SHROOM3: variants seen among roughly 807,000 people sequenced by gnomAD.
SHROOM3 encodes shroom family member 3, also known as protein Shroom3.
In SHROOM3, 47 loss-of-function variants were observed where a neutral mutation model predicts 138.6. The observed-to-expected ratio is 0.34, with a 90% CI of 0.27 to 0.43. The LOEUF is 0.43. SHROOM3 is among the 20% of genes least tolerant of loss of function. SHROOM3 has a pLI of 1.00. For missense variants in SHROOM3, 2,491 were observed against 2,596.5 expected, an observed-to-expected ratio of 0.96 and a Z score of 0.88; for synonymous variants, 1,062 against 1,063.3, an observed-to-expected ratio of 1.00 and a Z score of 0.02.
At chr4:76,557,780 T>C (rs1274629978) in intron 2 of SHROOM3, among the ~76,000 whole-genome samples, 2 of 152,198 alleles carry the variant, frequency 1.3e-5, no homozygotes, top group South Asian at 2.1e-4. Flanking sequence ...TACAAAGTGA[T>C]TGGAAAGATT....
chr4:76,733,556 AGC>A, intron 4 of SHROOM3, among the ~76,000 whole-genome samples: 1 of 152,280 alleles, frequency 6.6e-6, no homozygotes, highest in Admixed American at 6.5e-5. Context: ...TGAGGCTTGC[AGC>A]TTTGGCAGAG....
intron 2 of SHROOM3, among the ~76,000 whole-genome samples, chr4:76,609,654 A>C (rs1269643340): frequency 6.6e-6 from 1 of 152,094 alleles, no homozygotes; most frequent in Non-Finnish European, 1.5e-5. Flanking sequence ...TACGTTGTAA[A>C]CTCTTAGTTT....
intron 1 of SHROOM3, among the ~76,000 whole-genome samples, chr4:76,525,713 G>A (rs1046524240): frequency 3.9e-5 from 6 of 151,916 alleles, no homozygotes; most frequent in Non-Finnish European, 7.4e-5. Flanking sequence ...CATTCTTAGA[G>A]GCTTTTAAAA....
intron 3 of SHROOM3, among the ~76,000 whole-genome samples, chr4:76,717,405 A>C (rs1368407138): frequency 6.6e-6 from 1 of 152,150 alleles, no homozygotes; most frequent in African/African-American, 2.4e-5. Flanking sequence ...GGAGATTCTC[A>C]GTCATTATTG....
chr4:76,636,081 G>A (rs1364879814), intron 2 of SHROOM3, among the ~76,000 whole-genome samples: 2 of 152,218 alleles, frequency 1.3e-5, no homozygotes, highest in Non-Finnish European at 2.9e-5. Context: ...TCCTGGGAAT[G>A]CTTCTTCACG....
Position 76,754,403 on chromosome 4 carries a change from T to C in SHROOM3, c.3920T>C (p.Ile1307Thr), listed in dbSNP as rs766800028. 4 of 1,613,998 alleles carry C rather than the reference T, an allele frequency of 2.5e-6. No homozygotes were observed. The highest frequency in any genetic ancestry group is 1.7e-5 in the Admixed American group (1 of 60,000). The change falls in exon 7 of 11, where the codon ATT becomes ACT. Residue 1307 changes from isoleucine (I) to threonine (T), a missense_variant. Physicochemically the swap from Ile to Thr is moderately conservative, Grantham distance 89 (BLOSUM62 -1). Around this residue, in one of 4 missense-constraint regions of SHROOM3, gnomAD observed 1,733 missense variants for 1,661.6 expected, o/e 1.04. Transcript: ENST00000296043. ...PRWGGSGCKA[I>T]GDSSVPSECP... Reference sequence around the variant, plus strand: ...TGGGGTGGTTCAGGCTGCAAAGCCATTGGTGATTCCTCCGTTCCTAGTGAA... The same window carrying C: ...TGGGGTGGTTCAGGCTGCAAAGCCACTGGTGATTCCTCCGTTCCTAGTGAA...
chr4:76,748,259 ATTAAG>A (rs1219055682), intron 5 of SHROOM3, among the ~76,000 whole-genome samples: 3 of 152,228 alleles, frequency 2.0e-5, no homozygotes, highest in Non-Finnish European at 2.9e-5. Context: ...AATTACTGAA[ATTAAG>A]TTAGAGATTA....
intron 2 of SHROOM3, among the ~76,000 whole-genome samples, chr4:76,651,621 A>T (rs1735963947): frequency 6.6e-6 from 1 of 151,864 alleles, no homozygotes; most frequent in African/African-American, 2.4e-5. Context: ...CTTAAAGAAT[A>T]GTTGGGAGAG....
intron 1 of SHROOM3, among the ~76,000 whole-genome samples, chr4:76,453,461 G>A (rs535177058): frequency 6.6e-6 from 1 of 151,382 alleles, no homozygotes; most frequent in Admixed American, 6.6e-5. Flanking sequence ...TTCATTTTTT[G>A]TAGTGATGGG....
At chr4:76,587,105 C>A (rs991605721) in intron 2 of SHROOM3, 2 of 152,150 alleles carry the variant, frequency 1.3e-5, no homozygotes, top group African/African-American at 2.4e-5. Flanking sequence ...TGCTTAAGAA[C>A]GTGCTTCTGT....
intron 2 of SHROOM3, among the ~76,000 whole-genome samples, chr4:76,595,506 G>A (rs974271131): frequency 6.6e-6 from 1 of 152,176 alleles, no homozygotes; most frequent in African/African-American, 2.4e-5. Flanking sequence ...TCCTCACAGA[G>A]TCTTGTCCAA....
chr4:76,514,030 T>A (rs1732395078), intron 1 of SHROOM3, among the ~76,000 whole-genome samples: 1 of 152,206 alleles, frequency 6.6e-6, no homozygotes, highest in African/African-American at 2.4e-5. Flanking sequence ...ACTTCAAAAA[T>A]TTTTAAGCCG....
In SHROOM3 at chr4:76,754,498, A is replaced by T; in HGVS notation, c.4015A>T (p.Thr1339Ser). The stretch of plus-strand genomic sequence containing the variant: ...CTGCCCCAGGCCACCACTGGCAGGA[A>T]CGCAAGGGCTGGTCACAGACACCAG... ...TPCPRPPLAG[T>S]QGLVTDTRAA... The change falls in exon 7 of 11, where the codon ACG becomes TCG. Residue 1339 changes from threonine to serine, a missense_variant. By Grantham distance (58) the Thr-to-Ser change is moderately conservative. Coordinates refer to ENST00000296043, the MANE Select transcript of SHROOM3 (RefSeq NM_020859.4). The T allele has an allele frequency of 6.2e-7, 1 of 1,614,080 alleles. No individual in the cohort carries two copies. Among genetic ancestry groups the T allele is most frequent in the South Asian group, 1.1e-5 (1 of 91,072 alleles).
intron 4 of SHROOM3, among the ~76,000 whole-genome samples, chr4:76,736,793 T>C (rs557028840): frequency 3.6e-5 from 4 of 111,904 alleles, no homozygotes; most frequent in Non-Finnish European, 8.3e-5. Flanking sequence ...TTTAGTTTCA[T>C]AGTGAAATTG....
At chr4:76,775,103 C>G (rs1271812123) in intron 10 of SHROOM3, among the ~76,000 whole-genome samples, 2 of 152,062 alleles carry the variant, frequency 1.3e-5, no homozygotes, top group Non-Finnish European at 2.9e-5. Flanking sequence ...TATCCCTCAC[C>G]CACCTCCCAC....
chr4:76,680,268 G>C (rs1180559519), intron 2 of SHROOM3, among the ~76,000 whole-genome samples: 2 of 151,890 alleles, frequency 1.3e-5, no homozygotes, highest in African/African-American at 4.8e-5. Context: ...AGCCTACCGA[G>C]TAGCTGGGAC....
At chr4:76,543,048 T>G (rs949458683) in intron 1 of SHROOM3, among the ~76,000 whole-genome samples, 2 of 152,220 alleles carry the variant, frequency 1.3e-5, no homozygotes, top group Non-Finnish European at 2.9e-5. Flanking sequence ...GAGCAAGTTC[T>G]CTTCAAAACG....
intron 1 of SHROOM3, among the ~76,000 whole-genome samples, chr4:76,542,053 AGG>A (rs1733116332): frequency 6.6e-6 from 1 of 152,020 alleles, no homozygotes; most frequent in Non-Finnish European, 1.5e-5. Context: ...GAGGAGGAGG[AGG>A]AGGAGGATGG....
intron 1 of SHROOM3, among the ~76,000 whole-genome samples, chr4:76,519,854 C>T (rs532450716): frequency 1.1e-4 from 16 of 152,258 alleles, no homozygotes; most frequent in Admixed American, 8.5e-4. Flanking sequence ...TGGAAATGAT[C>T]AGGACAACTA....
Sources: gnomAD v4.1 joint callset for allele counts (sites outside exome capture counted in the v4.1 genomes callset) on GRCh38, gnomAD v4.1.1 for gene constraint, gnomAD v4.1.1 regional missense constraint, MANE v1.5 for transcripts, NCBI Gene and HGNC (gene_info 2026-07-23, HGNC 2026-07-21) for gene names.